Variants in PREP observed in about 807,000 individuals in gnomAD.
PREP encodes dJ355L5.1 (prolyl endopeptidase).
A neutral mutation model predicts 87.6 loss-of-function variants in PREP; 29 were observed. The ratio of observed to expected loss-of-function variants is 0.33; its 90% CI spans 0.25 to 0.45. The LOEUF (loss-of-function observed/expected upper bound fraction) is 0.45, where lower values mean the gene tolerates loss of function less well. PREP is among the 20% of genes least tolerant of loss of function. The pLI is 1.00. For synonymous variants in PREP, 337 were observed against 328.6 expected, an observed-to-expected ratio of 1.03 and a Z score of -0.28; for missense variants, 695 against 886.5, an observed-to-expected ratio of 0.78 and a Z score of 2.74.
chr6:105,383,300 A>G (rs532127869), intron 2 of PREP, among the ~76,000 whole-genome samples: 90 of 152,016 alleles, frequency 5.9e-4, no homozygotes, highest in African/African-American at 2.1e-3. Flanking sequence ...GACTTACTCA[A>G]TATTTACAAA....
intron 6 of PREP, among the ~76,000 whole-genome samples, chr6:105,358,116 ATTATT>A (rs987339451): frequency 2.0e-5 from 3 of 152,104 alleles, no homozygotes; most frequent in African/African-American, 7.2e-5. Context: ...TTAAATCTAT[ATTATT>A]TTAAACAAAT....
chr6:105,356,415 T>C (rs1318429149), intron 6 of PREP, among the ~76,000 whole-genome samples: 1 of 152,252 alleles, frequency 6.6e-6, no homozygotes, highest in Non-Finnish European at 1.5e-5. Flanking sequence ...CTAGTAGTTC[T>C]TAGCTTGAAT....
chr6:105,325,007 A>G (rs985731038), intron 9 of PREP, among the ~76,000 whole-genome samples: 1 of 152,230 alleles, frequency 6.6e-6, no homozygotes, highest in South Asian at 2.1e-4. Flanking sequence ...GTTAGAATAT[A>G]CCTTTATATA....
rs1286361231 is a variant in PREP, at chr6:105,276,913, GA to G, written c.*1230del. 3.9e-5 allele frequency among the ~76,000 whole-genome samples: 6 copies of G among 152,042 alleles called. No homozygotes were observed. Among genetic ancestry groups the G allele is most frequent in the Non-Finnish European group, 8.8e-5 (6 of 68,000 alleles). On this transcript the variant is annotated 3_prime_UTR_variant, in exon 15 of 15. Transcript: ENST00000652536. ...GAAAAGTACAAATTATTGGAATAAT[GA>G]AGTAATCTTTTAAGCTATTTTATAT... is the stretch of plus-strand genomic sequence containing the variant.
At chr6:105,315,231 A>C (rs974824193) in intron 10 of PREP, among the ~76,000 whole-genome samples, 1 of 152,198 alleles carries the variant, frequency 6.6e-6, no homozygotes, top group Admixed American at 6.5e-5. Flanking sequence ...TGGTGCAATC[A>C]TGGCTCACTG....
intron 14 of PREP, among the ~76,000 whole-genome samples, chr6:105,279,984 T>TG (rs2114609055): frequency 6.6e-6 from 1 of 152,348 alleles, no homozygotes; most frequent in South Asian, 2.1e-4. Flanking sequence ...GAGGCCTGCA[T>TG]GTACTGAAAA....
intron 7 of PREP, among the ~76,000 whole-genome samples, chr6:105,345,933 C>A (rs180995857): frequency 1.5e-4 from 23 of 152,264 alleles, no homozygotes; most frequent in Admixed American, 7.2e-4. Flanking sequence ...TTCCAAATAA[C>A]CCCAGTGTTC....
intron 14 of PREP, 28 bp downstream of exon 14, chr6:105,281,718 C>T (rs1220884326): frequency 1.2e-6 from 2 of 1,605,096 alleles, no homozygotes; most frequent in Non-Finnish European, 8.5e-7. Flanking sequence ...AAACCACTAA[C>T]AACATATATA....
In PREP at chr6:105,285,472, A is replaced by G. The variant is rs1770172501; in HGVS notation, c.1549+14T>C. ...TTATGTCAGACTTGTGTTTCTGTAG[A>G]GAAAACACCTCACCTTTATGCCACG... On this transcript the variant is annotated intron_variant, in intron 12 of 14. Coordinates refer to ENST00000652536, the MANE Select transcript of PREP (RefSeq NM_002726.5). 1 of 1,601,518 alleles carries G rather than the reference A, an allele frequency of 6.2e-7. No homozygotes were observed. Among genetic ancestry groups the G allele is most frequent in the East Asian group, 2.2e-5 (1 of 44,814 alleles).
chr6:105,328,054 A>G (rs529849443), intron 9 of PREP, among the ~76,000 whole-genome samples: 8 of 152,196 alleles, frequency 5.3e-5, no homozygotes, highest in Non-Finnish European at 1.0e-4. Context: ...TCCTACTAGA[A>G]CCAAATAACA....
chr6:105,287,654 T>C (rs1395897017), intron 11 of PREP, among the ~76,000 whole-genome samples: 4 of 152,198 alleles, frequency 2.6e-5, no homozygotes, highest in African/African-American at 9.7e-5. Context: ...GTTGAATCTA[T>C]TCTGAATTTA....
At chr6:105,316,035 T>C (rs1418393308) in intron 10 of PREP, among the ~76,000 whole-genome samples, 1 of 152,176 alleles carries the variant, frequency 6.6e-6, no homozygotes, top group Non-Finnish European at 1.5e-5. Flanking sequence ...CATTCATGTG[T>C]TCACTGGCAT....
intron 10 of PREP, chr6:105,322,558 T>C: frequency 2.0e-6 from 2 of 986,546 alleles, no homozygotes; most frequent in Non-Finnish European, 2.4e-6. Flanking sequence ...ATGAAGATTC[T>C]GCAAACTTTT....
At chr6:105,363,066 T>C (rs1772296274) in intron 6 of PREP, among the ~76,000 whole-genome samples, 3 of 152,206 alleles carry the variant, frequency 2.0e-5, no homozygotes, top group Admixed American at 2.0e-4. Context: ...GTAATACATA[T>C]GTTTTTAATT....
Position 105,283,401 on chromosome 6 carries a change from C to T in PREP, c.1550-819G>A, listed in dbSNP as rs116159433. Among the ~76,000 whole-genome samples the T allele has an allele frequency of 5.4e-3, 821 of 152,268 alleles. 6 individuals carry two copies. The highest frequency in any genetic ancestry group is 0.019 in the African/African-American group (778 of 41,544). ...TCAAAGGAACAGATGTCTGAAATAA[C>T]GGCCTTTGAAATGAACAAAGAGCAG... On this transcript the variant is annotated intron_variant, in intron 12 of 14. Transcript: ENST00000652536.
chr6:105,304,345 C>G (rs1562193047), intron 10 of PREP, among the ~76,000 whole-genome samples: 1 of 152,108 alleles, frequency 6.6e-6, no homozygotes, highest in Admixed American at 6.5e-5. Context: ...GGAACCAATC[C>G]CCTGTGGAAT....
intron 9 of PREP, among the ~76,000 whole-genome samples, chr6:105,326,177 C>T (rs1771152923): frequency 6.6e-6 from 1 of 152,096 alleles, no homozygotes; most frequent in Admixed American, 6.6e-5. Context: ...CCCTGATATC[C>T]GTGAAAGGTT....
At chr6:105,378,160 AT>A (rs1772739845) in intron 2 of PREP, among the ~76,000 whole-genome samples, 1 of 152,248 alleles carries the variant, frequency 6.6e-6, no homozygotes, top group Admixed American at 6.5e-5. Flanking sequence ...ACCAAAGAAC[AT>A]TGAAAAAACA....
chr6:105,354,309 A>C (rs1461328787), intron 6 of PREP, among the ~76,000 whole-genome samples: 1 of 152,166 alleles, frequency 6.6e-6, no homozygotes, highest in Non-Finnish European at 1.5e-5. Flanking sequence ...TAGAAGTAAA[A>C]TTGCTCAGTG....
Sources: allele counts gnomAD v4.1 joint callset (sites outside exome capture counted in the v4.1 genomes callset), GRCh38; gene constraint gnomAD v4.1.1; transcripts MANE v1.5; gene names NCBI Gene and HGNC (gene_info 2026-07-23, HGNC 2026-07-21).